THSD7B: variants seen among roughly 807,000 people sequenced by gnomAD.
THSD7B encodes the protein thrombospondin type-1 domain-containing protein 7B.
Under a neutral mutation model 213.6 loss-of-function variants are expected in THSD7B, and 138 were observed. The observed-to-expected ratio is 0.65, with a 90% CI of 0.56 to 0.74. The LOEUF is 0.74. Ranked by LOEUF, THSD7B falls within the 30% of genes least tolerant of loss-of-function variation. The pLI is 0.00. For synonymous variants in THSD7B, 742 were observed against 687.0 expected (o/e 1.08, Z -1.25); for missense variants, 1,931 against 1,991.5 (o/e 0.97, Z 0.58).
In THSD7B at chr2:137,288,078, A is replaced by G. The variant is rs2573091; in HGVS notation, c.2500+12052A>G. Among the ~76,000 whole-genome samples the G allele has an allele frequency of 5.9e-3, 899 of 152,236 alleles. 9 individuals are homozygous for G. Among genetic ancestry groups the G allele is most frequent in the African/African-American group, 0.02 (815 of 41,582 alleles). ...TCAGGTGCCATCTCAGGATTGCATC[A>G]GAAACATGTAATGTTTGTACTTTTT... On this transcript the variant is annotated intron_variant, in intron 12 of 27. Coordinates refer to ENST00000409968, the MANE Select transcript of THSD7B (RefSeq NM_001316349.2).
chr2:136,808,149 T>A (rs2104928023), intron 1 of THSD7B, among the ~76,000 whole-genome samples: 1 of 152,352 alleles, frequency 6.6e-6, no homozygotes, highest in African/African-American at 2.4e-5. Context: ...ATCCAAATAC[T>A]CAAGCACAGC....
intron 1 of THSD7B, among the ~76,000 whole-genome samples, chr2:136,869,461 A>G (rs1004108316): frequency 6.6e-6 from 1 of 152,260 alleles, no homozygotes; most frequent in African/African-American, 2.4e-5. Flanking sequence ...TGCCAAATAC[A>G]CATTTTAATC....
At chr2:137,400,411 A>G (rs1686325998) in intron 12 of THSD7B, among the ~76,000 whole-genome samples, 1 of 151,948 alleles carries the variant, frequency 6.6e-6, no homozygotes, top group South Asian at 2.1e-4. Flanking sequence ...TTTCCTGAAG[A>G]TATGGCTATG....
At chr2:137,324,161 A>G (rs2104883253) in intron 12 of THSD7B, among the ~76,000 whole-genome samples, 1 of 152,294 alleles carries the variant, frequency 6.6e-6, no homozygotes, top group Non-Finnish European at 1.5e-5. Flanking sequence ...CATTTCACTT[A>G]TCACATCAGT....
Position 136,882,232 on chromosome 2 carries a change from G to A in THSD7B, c.54G>A (p.Arg18=), listed in dbSNP as rs866134765. 2 of 1,545,032 alleles carry A rather than the reference G, an allele frequency of 1.3e-6. No individual in the cohort carries two copies. The highest frequency in any genetic ancestry group is 1.7e-4 in the Middle Eastern group (1 of 5,968). ...CTTGCTGGGTATGGAGGAGCATGAG[G>A]AAGCTCTTTCTATTGCTTTCTCTCT... ...TVTCWVWRSM[R]KLFLLLSLLL... Residue 18 remains arginine (R), a synonymous_variant, in exon 2 of 28, where the codon AGG becomes AGA. Coordinates refer to ENST00000409968, the MANE Select transcript of THSD7B (RefSeq NM_001316349.2).
At chr2:136,927,214 C>T (rs1344812492) in intron 2 of THSD7B, among the ~76,000 whole-genome samples, 3 of 150,774 alleles carry the variant, frequency 2.0e-5, no homozygotes, top group African/African-American at 7.3e-5. Context: ...CCCACTGTTT[C>T]CTGCTTCTCT....
At chr2:137,580,022 T>A (rs1681542244) in intron 17 of THSD7B, among the ~76,000 whole-genome samples, 2 of 152,286 alleles carry the variant, frequency 1.3e-5, no homozygotes, top group South Asian at 4.1e-4. Flanking sequence ...TTTATGATAC[T>A]AAGTTTCTTT....
intron 2 of THSD7B, among the ~76,000 whole-genome samples, chr2:137,003,633 G>C (rs1043149103): frequency 6.6e-6 from 1 of 152,096 alleles, no homozygotes; most frequent in African/African-American, 2.4e-5. Context: ...ACTTCCATTT[G>C]GGTCTCTTTA....
Position 137,101,747 on chromosome 2 carries a change from C to G in THSD7B, c.1199+6626C>G, listed in dbSNP as rs928649606. On this transcript the variant is annotated intron_variant, in intron 4 of 27. Coordinates refer to ENST00000409968, the MANE Select transcript of THSD7B (RefSeq NM_001316349.2). ...ACTGAGGCTTGAGTAGGTGGTTTTCCCCTCACAGTGTAAACAAAGCTGCTG... is the reference window on the plus strand; with the variant it reads ...ACTGAGGCTTGAGTAGGTGGTTTTCGCCTCACAGTGTAAACAAAGCTGCTG... Among the ~76,000 whole-genome samples the G allele has an allele frequency of 5.3e-5, 8 of 152,112 alleles. No homozygotes were observed. In the East Asian group the frequency reaches 1.4e-3, roughly 26 times the overall value.
chr2:136,988,728 A>G (rs1287039559), intron 2 of THSD7B, among the ~76,000 whole-genome samples: 1 of 152,168 alleles, frequency 6.6e-6, no homozygotes, highest in Non-Finnish European at 1.5e-5. Flanking sequence ...TCTGTTTTCC[A>G]TTCAAAATCT....
At chr2:137,252,817 A>C (rs1247165456) in intron 10 of THSD7B, among the ~76,000 whole-genome samples, 2 of 151,912 alleles carry the variant, frequency 1.3e-5, no homozygotes, top group Non-Finnish European at 2.9e-5. Flanking sequence ...GGGAATTCAG[A>C]ACCTGGCTCA....
At chr2:137,376,063 T>C (rs1347406168) in intron 12 of THSD7B, among the ~76,000 whole-genome samples, 1 of 152,240 alleles carries the variant, frequency 6.6e-6, no homozygotes, top group Non-Finnish European at 1.5e-5. Context: ...TGCTAATTTA[T>C]CGTTTCTCTA....
chr2:137,413,640 C>A (rs555426374), intron 14 of THSD7B, among the ~76,000 whole-genome samples: 1 of 152,044 alleles, frequency 6.6e-6, no homozygotes, highest in Non-Finnish European at 1.5e-5. Flanking sequence ...TTGGATAAAA[C>A]GAAAACCCTG....
intron 9 of THSD7B, among the ~76,000 whole-genome samples, chr2:137,234,152 C>T (rs776003023): frequency 6.6e-6 from 1 of 152,200 alleles, no homozygotes; most frequent in Non-Finnish European, 1.5e-5. Context: ...TTCTGATGCT[C>T]AGGAAGAAAC....
chr2:137,134,760 A>G (rs551626780), intron 5 of THSD7B, among the ~76,000 whole-genome samples: 4 of 152,278 alleles, frequency 2.6e-5, no homozygotes, highest in Admixed American at 6.5e-5. Context: ...TTCTTTTGAA[A>G]AGCTACACAA....
At chr2:137,183,803 A>G (rs1216222852) in intron 7 of THSD7B, among the ~76,000 whole-genome samples, 1 of 152,166 alleles carries the variant, frequency 6.6e-6, no homozygotes, top group Non-Finnish European at 1.5e-5. Context: ...CATCTATGGA[A>G]AATCAATTTC....
At position 137,677,255 on chromosome 2, in the gene THSD7B, C is replaced by T. The variant is rs1453366931; in HGVS notation, c.*650C>T. On this transcript the variant is annotated 3_prime_UTR_variant, in exon 28 of 28. Coordinates refer to ENST00000409968, the MANE Select transcript of THSD7B (RefSeq NM_001316349.2). Reference sequence around the variant, plus strand: ...TAGCAGCGTGTGTGTAATTGCTGGACTAGATGAAAGCTAGGTCATTTCTGA... The same window carrying T: ...TAGCAGCGTGTGTGTAATTGCTGGATTAGATGAAAGCTAGGTCATTTCTGA... The T allele has an allele frequency of 1.3e-5, 2 of 152,566 alleles. No individual in the cohort carries two copies. The highest frequency in any genetic ancestry group is 6.5e-5 in the Admixed American group (1 of 15,270). 9.5% of individuals were successfully genotyped at this position (152,566 alleles called of 1,614,324 possible). A position where few individuals can be genotyped will look rare whatever the true frequency, so the allele number is the denominator to read the frequency against.
chr2:136,984,448 T>TCTCTTGCTCCTG (rs1395879308), intron 2 of THSD7B, among the ~76,000 whole-genome samples: 1 of 152,168 alleles, frequency 6.6e-6, no homozygotes, highest in African/African-American at 2.4e-5. Context: ...CCTTGCTCCT[T>TCTCTTGCTCCTG]CTCTTGCTCC....
At chr2:137,657,007 A>G in intron 23 of THSD7B, 38 bp downstream of exon 23, 1 of 1,613,484 alleles carries the variant, frequency 6.2e-7, no homozygotes, top group African/African-American at 1.3e-5. Context: ...GCCTTCATTG[A>G]TCAATGCTTA....
Sources: allele counts gnomAD v4.1 joint callset (sites outside exome capture counted in the v4.1 genomes callset), GRCh38; gene constraint gnomAD v4.1.1; transcripts MANE v1.5; gene names NCBI Gene and HGNC (gene_info 2026-07-23, HGNC 2026-07-21).